Variants in SUGCT observed in about 807,000 individuals in gnomAD.
SUGCT encodes the protein succinyl-CoA:glutarate CoA-transferase.
Under a neutral mutation model 55.0 loss-of-function variants are expected in SUGCT, and 41 were observed. The ratio of observed to expected loss-of-function variants is 0.74; its 90% CI spans 0.58 to 0.97. SUGCT has a LOEUF of 0.97. Ranked by LOEUF, SUGCT falls within the 50% of genes least tolerant of loss-of-function variation. The pLI is 0.00. For missense variants in SUGCT, 568 were observed against 547.8 expected (o/e 1.04, Z -0.37); for synonymous variants, 187 against 200.4 (o/e 0.93, Z 0.56).
chr7:40,444,878 A>G (rs1788725199), intron 9 of SUGCT, among the ~76,000 whole-genome samples: 1 of 152,120 alleles, frequency 6.6e-6, no homozygotes, highest in South Asian at 2.1e-4. Flanking sequence ...AATACCTCTT[A>G]TTATTTTGAG....
At chr7:40,910,637 CT>C in the SUGCT span, among the ~76,000 whole-genome samples, 1 of 152,092 alleles carries the variant, frequency 6.6e-6, no homozygotes, top group African/African-American at 2.4e-5. Context: ...ATTTTGGTGA[CT>C]TTGGAAGATC....
chr7:40,981,524 A>G, the SUGCT span, among the ~76,000 whole-genome samples: 1 of 152,168 alleles, frequency 6.6e-6, no homozygotes, highest in Non-Finnish European at 1.5e-5. Context: ...TCTTTTTGCA[A>G]TATGGAGGGG....
intron 13 of SUGCT, among the ~76,000 whole-genome samples, chr7:40,765,081 A>AT (rs1345682149): frequency 6.6e-6 from 1 of 152,194 alleles, no homozygotes; most frequent in Non-Finnish European, 1.5e-5. Context: ...CATATTTGGC[A>AT]TTTTAGATTC....
chr7:40,907,739 T>C, the SUGCT span, among the ~76,000 whole-genome samples: 2 of 152,190 alleles, frequency 1.3e-5, no homozygotes, highest in African/African-American at 4.8e-5. Context: ...GGAGGGATCT[T>C]TAACTCAGAA....
chr7:40,715,900 C>A (rs1785996822), intron 12 of SUGCT, among the ~76,000 whole-genome samples: 1 of 152,178 alleles, frequency 6.6e-6, no homozygotes, highest in Non-Finnish European at 1.5e-5. Context: ...TCCTGTTGCA[C>A]CCTCCTCTCC....
the SUGCT span, among the ~76,000 whole-genome samples, chr7:40,945,899 C>G: frequency 1.3e-5 from 2 of 152,120 alleles, no homozygotes; most frequent in East Asian, 1.9e-4. Context: ...GACCTGTCCT[C>G]TAGTCTCCCA....
At chr7:40,957,304 T>C in the SUGCT span, among the ~76,000 whole-genome samples, 83 of 152,316 alleles carry the variant, frequency 5.4e-4, no homozygotes, top group African/African-American at 1.4e-3. Context: ...GGTGCTCCTG[T>C]ACTGGGTGCA....
At chr7:40,240,952 G>T (rs138973024) in intron 7 of SUGCT, among the ~76,000 whole-genome samples, 1 of 152,176 alleles carries the variant, frequency 6.6e-6, no homozygotes, top group African/African-American at 2.4e-5. Flanking sequence ...AGATGCTGGA[G>T]AGTCTGGTAG....
At chr7:40,739,775 T>C (rs1368410332) in intron 12 of SUGCT, among the ~76,000 whole-genome samples, 1 of 152,192 alleles carries the variant, frequency 6.6e-6, no homozygotes, top group Non-Finnish European at 1.5e-5. Context: ...TCTGTCTCTC[T>C]GCCAATATGA....
intron 6 of SUGCT, among the ~76,000 whole-genome samples, chr7:40,199,986 G>T (rs1430464727): frequency 6.6e-6 from 1 of 152,086 alleles, no homozygotes; most frequent in African/African-American, 2.4e-5. Context: ...TTAACCCTGG[G>T]GAGTGGGGAG....
At chr7:40,639,669 C>T (rs950332478) in intron 12 of SUGCT, among the ~76,000 whole-genome samples, 6 of 145,840 alleles carry the variant, frequency 4.1e-5, no homozygotes, top group African/African-American at 1.6e-4. Flanking sequence ...ATTACCATGC[C>T]GTCTAATTTT....
At chr7:40,822,389 G>T (rs1476129120) in intron 13 of SUGCT, among the ~76,000 whole-genome samples, 1 of 152,110 alleles carries the variant, frequency 6.6e-6, no homozygotes, top group Admixed American at 6.6e-5. Flanking sequence ...TTATTATTGT[G>T]TGGGAGTCTA....
At chr7:40,972,195 A>C in the SUGCT span, among the ~76,000 whole-genome samples, 1 of 152,216 alleles carries the variant, frequency 6.6e-6, no homozygotes, top group Non-Finnish European at 1.5e-5. Flanking sequence ...TACATCCCGA[A>C]GCCATTCTAA....
chr7:40,487,755 T>C lies in SUGCT; in HGVS notation c.987-8529T>C, dbSNP rs186530654. On this transcript the variant is annotated intron_variant, in intron 11 of 13. Transcript: ENST00000335693. Reference sequence around the variant, plus strand: ...TGCTGAAGTGACTCCATTATTATTATATAAGGTCCTTCTCTATTGTCTTTA... The same window carrying C: ...TGCTGAAGTGACTCCATTATTATTACATAAGGTCCTTCTCTATTGTCTTTA... 8.2e-4 allele frequency among the ~76,000 whole-genome samples: 125 copies of C among 152,260 alleles called. 1 individual carries two copies. Among genetic ancestry groups the C allele is most frequent in the Middle Eastern group, 3.4e-3 (1 of 294 alleles).
chr7:40,476,489 A>G (rs1790684546), intron 11 of SUGCT, among the ~76,000 whole-genome samples: 1 of 152,180 alleles, frequency 6.6e-6, no homozygotes, highest in African/African-American at 2.4e-5. Context: ...ATTTATATGC[A>G]TAGTTAGATG....
At chr7:40,784,020 A>G (rs1789892035) in intron 13 of SUGCT, among the ~76,000 whole-genome samples, 1 of 152,146 alleles carries the variant, frequency 6.6e-6, no homozygotes. Flanking sequence ...TCAATCAATG[A>G]CTTGTTGAAT....
intron 8 of SUGCT, among the ~76,000 whole-genome samples, chr7:40,305,105 A>G (rs1794780613): frequency 6.6e-6 from 1 of 152,066 alleles, no homozygotes; most frequent in African/African-American, 2.4e-5. Context: ...AGTCCCTGAC[A>G]TTGTTTCCTA....
At chr7:40,502,109 A>C (rs1792311213) in intron 12 of SUGCT, among the ~76,000 whole-genome samples, 1 of 152,064 alleles carries the variant, frequency 6.6e-6, no homozygotes, top group Admixed American at 6.6e-5. Flanking sequence ...ATATATTTTG[A>C]TGTCTTATAA....
At chr7:40,136,010 T>C (rs1787670412) in intron 1 of SUGCT, among the ~76,000 whole-genome samples, 1 of 151,118 alleles carries the variant, frequency 6.6e-6, no homozygotes, top group East Asian at 1.9e-4. Context: ...TTTTTTTTTT[T>C]TTTTTTGAGA....
Sources: allele counts gnomAD v4.1 joint callset (sites outside exome capture counted in the v4.1 genomes callset), GRCh38; gene constraint gnomAD v4.1.1; transcripts MANE v1.5; gene names NCBI Gene and HGNC (gene_info 2026-07-23, HGNC 2026-07-21).